CSMD1: variants seen among roughly 807,000 people sequenced by gnomAD.
CSMD1 encodes the protein CUB and sushi domain-containing protein 1.
A neutral mutation model predicts 417.5 loss-of-function variants in CSMD1; 213 were observed. The ratio of observed to expected loss-of-function variants is 0.51; its 90% CI spans 0.46 to 0.57. CSMD1 has a LOEUF of 0.57. Ranked by LOEUF, CSMD1 falls within the 20% of genes least tolerant of loss-of-function variation. The probability of loss-of-function intolerance (pLI) is 0.00; values close to 1 mark genes in which losing one functional copy is unlikely to be tolerated. For missense variants in CSMD1, 6,923 were observed against 4,529.7 expected, an observed-to-expected ratio of 1.53 and a Z score of -15.17; for synonymous variants, 2,862 against 1,736.8, an observed-to-expected ratio of 1.65 and a Z score of -16.11.
intron 5 of CSMD1, among the ~76,000 whole-genome samples, chr8:3,868,753 A>G (rs1563161115): frequency 6.6e-6 from 1 of 152,160 alleles, no homozygotes; most frequent in East Asian, 1.9e-4. Context: ...ACCCACATCC[A>G]ACACATCAGC....
chr8:4,014,399 G>C (rs933655590), intron 4 of CSMD1, among the ~76,000 whole-genome samples: 2 of 152,162 alleles, frequency 1.3e-5, no homozygotes, highest in Non-Finnish European at 2.9e-5. Context: ...AAGTGTGTAT[G>C]ATTTAACACT....
rs374037354 is a variant in CSMD1 at position 3,922,193 on chromosome 8, C to A, written c.818+75710G>T. ...TTTTGTATTATAAAAATATAGACAA[C>A]CCTACTCTCTTCTTTTTAACCACTT... On this transcript the variant is annotated intron_variant, in intron 5 of 69. Coordinates refer to ENST00000635120, the MANE Select transcript of CSMD1 (RefSeq NM_033225.6). Among the ~76,000 whole-genome samples the A allele has an allele frequency of 1.6e-3, 247 of 152,052 alleles. 1 individual carries two copies. The highest frequency in any genetic ancestry group is 5.7e-3 in the African/African-American group (237 of 41,510).
Position 4,333,876 on chromosome 8 carries a change from A to C in CSMD1, c.415+86077T>G, listed in dbSNP as rs560062020. On this transcript the variant is annotated intron_variant, in intron 3 of 69. Transcript: ENST00000635120. ...ATCTTTAACATGGGGATTCTAATACAATTTTTCCCCTTTATTTCTTTTTGT... is the reference window on the plus strand; with the variant it reads ...ATCTTTAACATGGGGATTCTAATACCATTTTTCCCCTTTATTTCTTTTTGT... 4.5e-4 allele frequency among the ~76,000 whole-genome samples: 68 copies of C among 152,048 alleles called. 1 individual carries two copies. The highest frequency in any genetic ancestry group is 4.2e-3 in the South Asian group (20 of 4,812).
intron 3 of CSMD1, among the ~76,000 whole-genome samples, chr8:4,264,374 A>G (rs1804095590): frequency 1.3e-5 from 2 of 152,220 alleles, no homozygotes. Context: ...TCCACTTTTT[A>G]GAAGATAATA....
At chr8:4,862,750 G>C (rs768516805) in intron 1 of CSMD1, among the ~76,000 whole-genome samples, 1 of 152,076 alleles carries the variant, frequency 6.6e-6, no homozygotes, top group South Asian at 2.1e-4. Context: ...AAACACAGTA[G>C]CGACAACTTG....
chr8:4,801,305 G>C (rs1303837724), intron 1 of CSMD1, among the ~76,000 whole-genome samples: 4 of 152,092 alleles, frequency 2.6e-5, no homozygotes, highest in Non-Finnish European at 5.9e-5. Flanking sequence ...AAGTATCACA[G>C]ACAAGGAGGG....
At chr8:3,168,327 T>C (rs557040459) in intron 37 of CSMD1, among the ~76,000 whole-genome samples, 4 of 152,272 alleles carry the variant, frequency 2.6e-5, no homozygotes, top group South Asian at 4.1e-4. Context: ...ACATAATTAT[T>C]CTCTGGCACA....
chr8:4,387,438 G>T (rs1485962176), intron 3 of CSMD1, among the ~76,000 whole-genome samples: 1 of 151,378 alleles, frequency 6.6e-6, no homozygotes, highest in Non-Finnish European at 1.5e-5. Flanking sequence ...ATTATGTCAA[G>T]ATATGCTTGG....
At chr8:4,143,512 AGTTGAT>A (rs981570616) in intron 3 of CSMD1, among the ~76,000 whole-genome samples, 2 of 150,890 alleles carry the variant, frequency 1.3e-5, no homozygotes, top group African/African-American at 5.0e-5. Flanking sequence ...CTAAAGAAGA[AGTTGAT>A]ATTAAGTTTA....
At chr8:4,413,529 G>A (rs529781863) in intron 3 of CSMD1, among the ~76,000 whole-genome samples, 2 of 152,146 alleles carry the variant, frequency 1.3e-5, no homozygotes, top group East Asian at 1.9e-4. Flanking sequence ...AAATGTTAGT[G>A]TTCATGTACT....
intron 1 of CSMD1, among the ~76,000 whole-genome samples, chr8:4,716,996 G>C (rs1445723347): frequency 6.6e-6 from 1 of 152,054 alleles, no homozygotes; most frequent in Non-Finnish European, 1.5e-5. Context: ...TCCTGGTATA[G>C]AAGCCTGGGT....
At chr8:4,029,722 G>T (rs563373240) in intron 4 of CSMD1, among the ~76,000 whole-genome samples, 47 of 152,076 alleles carry the variant, frequency 3.1e-4, no homozygotes, top group Non-Finnish European at 5.9e-4. Flanking sequence ...GTCCCCCAAA[G>T]TCTTAACTTA....
At chr8:3,743,790 C>T (rs942635537) in intron 6 of CSMD1, among the ~76,000 whole-genome samples, 9 of 152,212 alleles carry the variant, frequency 5.9e-5, no homozygotes, top group African/African-American at 1.9e-4. Flanking sequence ...TTTATCTTTA[C>T]AGCTGCCGTC....
At chr8:2,961,597 A>T (rs970166299) in intron 61 of CSMD1, among the ~76,000 whole-genome samples, 1 of 152,154 alleles carries the variant, frequency 6.6e-6, no homozygotes, top group Non-Finnish European at 1.5e-5. Flanking sequence ...TACCCATTAC[A>T]TTATTCTGAG....
chr8:4,752,822 G>C (rs905944724), intron 1 of CSMD1, among the ~76,000 whole-genome samples: 2 of 152,120 alleles, frequency 1.3e-5, no homozygotes, highest in Admixed American at 1.3e-4. Flanking sequence ...AAGAAGGATG[G>C]AGGCAAAGTT....
At chr8:3,322,466 C>G (rs1806211856) in intron 23 of CSMD1, among the ~76,000 whole-genome samples, 2 of 152,108 alleles carry the variant, frequency 1.3e-5, no homozygotes, top group South Asian at 4.2e-4. Flanking sequence ...TCATATAGAT[C>G]TTGTTTTACG....
At chr8:3,086,315 A>C (rs1178710237) in intron 49 of CSMD1, among the ~76,000 whole-genome samples, 4 of 152,226 alleles carry the variant, frequency 2.6e-5, no homozygotes, top group African/African-American at 9.6e-5. Context: ...GTAGAGGTAA[A>C]ACATAAATAA....
intron 7 of CSMD1, among the ~76,000 whole-genome samples, chr8:3,679,591 C>T (rs1220737652): frequency 1.3e-5 from 2 of 152,250 alleles, no homozygotes; most frequent in East Asian, 3.9e-4. Context: ...TAATGGGAGT[C>T]TTTAACACCC....
intron 3 of CSMD1, among the ~76,000 whole-genome samples, chr8:4,147,105 A>C (rs1804184091): frequency 6.6e-6 from 1 of 151,458 alleles, no homozygotes; most frequent in Non-Finnish European, 1.5e-5. Flanking sequence ...GTTTAGAACC[A>C]TCCCCTCCTG....
Sources: allele counts gnomAD v4.1 joint callset (sites outside exome capture counted in the v4.1 genomes callset), GRCh38; gene constraint gnomAD v4.1.1; transcripts MANE v1.5; gene names NCBI Gene and HGNC (gene_info 2026-07-23, HGNC 2026-07-21).